Variants in LSAMP observed in about 807,000 individuals in gnomAD.
LSAMP encodes limbic system associated membrane protein.
A neutral mutation model predicts 38.6 loss-of-function variants in LSAMP; 7 were observed. That is an observed-to-expected ratio of 0.18 (90% confidence interval 0.10 to 0.34). The LOEUF (loss-of-function observed/expected upper bound fraction) is 0.34, where lower values mean the gene tolerates loss of function less well. LSAMP is among the 10% of genes least tolerant of loss of function. The pLI is 1.00. For synonymous variants in LSAMP, 154 were observed against 166.8 expected (o/e 0.92, Z 0.59); for missense variants, 313 against 420.0 (o/e 0.75, Z 2.23).
chr3:116,223,978 CTT>C (rs1199651346), intron 1 of LSAMP, among the ~76,000 whole-genome samples: 2 of 152,036 alleles, frequency 1.3e-5, no homozygotes, highest in African/African-American at 2.4e-5. Context: ...TCATTTCAAA[CTT>C]TTCCCCTCAG....
intron 3 of LSAMP, among the ~76,000 whole-genome samples, chr3:115,982,118 C>T (rs981932272): frequency 6.6e-6 from 1 of 152,184 alleles, no homozygotes; most frequent in African/African-American, 2.4e-5. Flanking sequence ...ACTTAATCAT[C>T]ACTATCAATT....
At chr3:116,217,153 G>A (rs906679468) in intron 1 of LSAMP, among the ~76,000 whole-genome samples, 9 of 152,220 alleles carry the variant, frequency 5.9e-5, no homozygotes, top group East Asian at 5.8e-4. Context: ...GTTCTGGTAC[G>A]AGCCCCCACC....
intron 1 of LSAMP, among the ~76,000 whole-genome samples, chr3:116,439,320 T>TTTG (rs1553736600): frequency 4.8e-5 from 6 of 124,546 alleles, no homozygotes; most frequent in African/African-American, 1.1e-4. Context: ...GATTTTGTTG[T>TTTG]TTTTTTTTTT....
intron 3 of LSAMP, among the ~76,000 whole-genome samples, chr3:115,975,332 G>A (rs112917010): frequency 5.8e-4 from 89 of 152,244 alleles, no homozygotes; most frequent in African/African-American, 2.1e-3. Context: ...TGATTTTATG[G>A]CACTTAGCCT....
intron 6 of LSAMP, among the ~76,000 whole-genome samples, chr3:115,815,484 C>G (rs1319926525): frequency 6.6e-6 from 1 of 152,108 alleles, no homozygotes; most frequent in African/African-American, 2.4e-5. Context: ...CTCTATAAAG[C>G]GAGATTTTGG....
intron 3 of LSAMP, among the ~76,000 whole-genome samples, chr3:115,949,449 A>C (rs1938211383): frequency 6.6e-6 from 1 of 151,988 alleles, no homozygotes; most frequent in African/African-American, 2.4e-5. Flanking sequence ...GCTACTATGA[A>C]CACCTTTATG....
intron 1 of LSAMP, among the ~76,000 whole-genome samples, chr3:116,189,054 T>A (rs951442931): frequency 1.2e-4 from 19 of 152,208 alleles, no homozygotes; most frequent in African/African-American, 4.6e-4. Context: ...AACTAATTCA[T>A]AAGCTTCTAT....
chr3:116,307,110 T>C (rs1199410009), intron 1 of LSAMP, among the ~76,000 whole-genome samples: 2 of 152,044 alleles, frequency 1.3e-5, no homozygotes, highest in Non-Finnish European at 2.9e-5. Context: ...AGCTTAATAC[T>C]TTAAATTGCA....
chr3:116,146,636 A>C (rs775585175), intron 1 of LSAMP, among the ~76,000 whole-genome samples: 13 of 151,942 alleles, frequency 8.6e-5, no homozygotes, highest in Non-Finnish European at 1.5e-4. Flanking sequence ...ATACTAACAA[A>C]AAAGAAGATG....
chr3:116,274,575 G>A (rs1334314637), intron 1 of LSAMP, among the ~76,000 whole-genome samples: 4 of 152,074 alleles, frequency 2.6e-5, no homozygotes, highest in African/African-American at 7.2e-5. Context: ...GGTCTACAAG[G>A]TGCTGAACTA....
chr3:116,096,847 CTGAG>C (rs1708236543), intron 1 of LSAMP, among the ~76,000 whole-genome samples: 1 of 152,202 alleles, frequency 6.6e-6, no homozygotes, highest in Non-Finnish European at 1.5e-5. Flanking sequence ...TCCTCAGTGA[CTGAG>C]TGGCAATTAT....
At chr3:116,020,210 G>A (rs560500778) in intron 2 of LSAMP, among the ~76,000 whole-genome samples, 6 of 152,240 alleles carry the variant, frequency 3.9e-5, no homozygotes, top group African/African-American at 1.2e-4. Flanking sequence ...GCTGCATGAA[G>A]TATCTTAGAA....
At chr3:116,342,480 T>A (rs1218879476) in intron 1 of LSAMP, among the ~76,000 whole-genome samples, 1 of 152,084 alleles carries the variant, frequency 6.6e-6, no homozygotes, top group East Asian at 1.9e-4. Flanking sequence ...CTCAAATGTA[T>A]GAACAAAGGA....
At chr3:116,440,011 G>A (rs1002343268) in intron 1 of LSAMP, among the ~76,000 whole-genome samples, 2 of 152,324 alleles carry the variant, frequency 1.3e-5, no homozygotes, top group East Asian at 1.9e-4. Context: ...GTGAGCCACC[G>A]CACCCAGCTG....
At chr3:116,031,616 T>G (rs1206202815) in intron 2 of LSAMP, among the ~76,000 whole-genome samples, 1 of 134,036 alleles carries the variant, frequency 7.5e-6, no homozygotes, top group Non-Finnish European at 1.5e-5. Flanking sequence ...CAGTGTTCTT[T>G]GCATGTAGAG....
intron 4 of LSAMP, among the ~76,000 whole-genome samples, chr3:115,843,964 G>A (rs907554835): frequency 3.9e-5 from 6 of 152,150 alleles, no homozygotes; most frequent in African/African-American, 9.7e-5. Context: ...CCTTATTTCC[G>A]TATAAGCACT....
At chr3:116,289,800 G>A (rs1264994383) in intron 1 of LSAMP, among the ~76,000 whole-genome samples, 1 of 151,970 alleles carries the variant, frequency 6.6e-6, no homozygotes, top group Non-Finnish European at 1.5e-5. Flanking sequence ...AAATTAACTC[G>A]ATATGCTTAT....
At chr3:116,111,283 C>G (rs148921126) in intron 1 of LSAMP, among the ~76,000 whole-genome samples, 121 of 152,304 alleles carry the variant, frequency 7.9e-4, no homozygotes, top group South Asian at 1.2e-3. Flanking sequence ...TGGCTCCGGA[C>G]TGCCAGAATC....
intron 1 of LSAMP, among the ~76,000 whole-genome samples, chr3:116,338,048 G>T (rs2047945097): frequency 6.6e-6 from 1 of 152,022 alleles, no homozygotes; most frequent in Non-Finnish European, 1.5e-5. Context: ...CCTTATTCCA[G>T]TCCTACAAAT....
Sources: gnomAD v4.1 joint callset for allele counts (sites outside exome capture counted in the v4.1 genomes callset) on GRCh38, gnomAD v4.1.1 for gene constraint, MANE v1.5 for transcripts, NCBI Gene and HGNC (gene_info 2026-07-23, HGNC 2026-07-21) for gene names.